Variants in LSM2 observed in about 807,000 individuals in gnomAD.
LSM2 encodes U6 snRNA-associated Sm-like protein LSm2.
Under a neutral mutation model 17.0 loss-of-function variants are expected in LSM2, and 12 were observed. That is an observed-to-expected ratio of 0.70 (90% CI 0.45 to 1.14). The LOEUF (loss-of-function observed/expected upper bound fraction) is 1.14. Among genes scored for constraint, LSM2 ranks in the 50% most tolerant of loss-of-function variants. LSM2 has a pLI of 0.00. For synonymous variants in LSM2, 42 were observed against 44.5 expected (o/e 0.94, Z 0.22); for missense variants, 62 against 111.8 (o/e 0.55, Z 2.01).
intron 2 of LSM2, among the ~76,000 whole-genome samples, chr6:31,801,950 A>C (rs1814734411): frequency 1.3e-5 from 2 of 152,132 alleles, no homozygotes; most frequent in Admixed American, 6.6e-5. Flanking sequence ...AGCCTGGGCA[A>C]CACGGCCGAG....
intron 2 of LSM2, among the ~76,000 whole-genome samples, chr6:31,804,724 T>C (rs1023771013): frequency 2.6e-5 from 4 of 151,570 alleles, no homozygotes; most frequent in Non-Finnish European, 5.9e-5. Flanking sequence ...ATTACAGGCA[T>C]GAGCCATCGT....
In LSM2 at chr6:31,798,035, T is replaced by C; in HGVS notation, c.117A>G (p.Lys39=). The stretch of plus-strand genomic sequence containing the variant: ...GGTCTGTGACACTGATGTCAGTTAG[T>C]TTGATGTTGAGATACTAGGAAAGGA... ...LHSVDQYLNI[K]LTDISVTDPE... The change falls in exon 4 of 5, where the codon AAA becomes AAG. Residue 39 remains lysine (K), a synonymous_variant. Transcript: ENST00000375661. 6.2e-7 allele frequency: 1 copy of C among 1,601,098 alleles called. No individual in the cohort carries two copies.
Position 31,798,466 on chromosome 6 carries a change from C to CTA in LSM2, c.102+9_102+10dup. 1 of 1,612,910 alleles carries CTA rather than the reference C, an allele frequency of 6.2e-7. No individual in the cohort carries two copies. The highest frequency in any genetic ancestry group is 8.5e-7 in the Non-Finnish European group (1 of 1,180,000). ...CCAGGAACCAATTCTGGGGCCCGTG[C>CTA]TATATCTCACCTGATCCACAGAATG... is the stretch of plus-strand genomic sequence containing the variant. On this transcript the variant is annotated intron_variant, in intron 3 of 4. Transcript: ENST00000375661.
At chr6:31,806,213 T>C (rs1220679172) in intron 1 of LSM2, 71 bp from the exon 2 acceptor site, 1 of 1,410,776 alleles carries the variant, frequency 7.1e-7, no homozygotes, top group Non-Finnish European at 1.0e-6. Context: ...TTTGACAGTA[T>C]TACCAAATAC....
At chr6:31,799,824 G>A (rs1362609558) in intron 2 of LSM2, among the ~76,000 whole-genome samples, 2 of 151,976 alleles carry the variant, frequency 1.3e-5, no homozygotes, top group African/African-American at 4.8e-5. Flanking sequence ...CCCAATCCTC[G>A]AGCCCCTTGA....
Position 31,797,625 on chromosome 6 carries a change from A to G in LSM2, c.*132T>C. The stretch of plus-strand genomic sequence containing the variant: ...TACTCCTCTCATCCACTCATCCCTT[A>G]AAAAAAACCCACAAAACCATCATTA... On this transcript the variant is annotated 3_prime_UTR_variant, in exon 5 of 5. Coordinates refer to ENST00000375661, the MANE Select transcript of LSM2 (RefSeq NM_021177.5). 7.5e-7 allele frequency: 1 copy of G among 1,342,024 alleles called. No homozygotes were observed. The highest frequency in any genetic ancestry group is 1.0e-6 in the Non-Finnish European group (1 of 972,862). The allele number at this position is 1,342,024 out of a possible 1,614,324, so 83.1% of individuals were successfully genotyped here. A position where few individuals can be genotyped will look rare whatever the true frequency, so the allele number is the denominator to read the frequency against.
rs776470253 is a variant in LSM2 at position 31,798,462 on chromosome 6, C to G, written c.102+15G>C. On this transcript the variant is annotated intron_variant, in intron 3 of 4. Coordinates refer to ENST00000375661, the MANE Select transcript of LSM2 (RefSeq NM_021177.5). ...TTCTCCAGGAACCAATTCTGGGGCC[C>G]GTGCTATATCTCACCTGATCCACAG... 6.2e-7 allele frequency: 1 copy of G among 1,612,838 alleles called. No homozygotes were observed. The highest frequency in any genetic ancestry group is 1.1e-5 in the South Asian group (1 of 91,064).
intron 2 of LSM2, among the ~76,000 whole-genome samples, chr6:31,799,135 G>A (rs1439556393): frequency 6.6e-6 from 1 of 152,144 alleles, no homozygotes; most frequent in African/African-American, 2.4e-5. Flanking sequence ...TTTCAAAGTA[G>A]TTATTACCTT....
rs1336491047 is a variant in LSM2 at position 31,806,357 on chromosome 6, G to C, written c.4-215C>G. On this transcript the variant is annotated intron_variant, in intron 1 of 4. Coordinates refer to ENST00000375661, the MANE Select transcript of LSM2 (RefSeq NM_021177.5). Reference sequence around the variant, plus strand: ...ACTGAGCCCATCACTTAAAGTCCCAGAGAGACTCTGCCCTGCATACGTCGG... The same window carrying C: ...ACTGAGCCCATCACTTAAAGTCCCACAGAGACTCTGCCCTGCATACGTCGG... 4.9e-6 allele frequency: 3 copies of C among 610,262 alleles called. No homozygotes were observed. The Admixed American group carries it at 8.8e-5, about 18-fold the overall frequency. The allele number at this position is 610,262 out of a possible 1,614,324, so 37.8% of individuals were successfully genotyped here.
intron 2 of LSM2, among the ~76,000 whole-genome samples, chr6:31,802,167 C>G (rs1330843622): frequency 6.6e-6 from 1 of 151,910 alleles, no homozygotes; most frequent in Non-Finnish European, 1.5e-5. Context: ...GTAATCCCAG[C>G]TACTTGGGAG....
At chr6:31,805,246 G>T (rs1397861706) in intron 2 of LSM2, among the ~76,000 whole-genome samples, 1 of 151,608 alleles carries the variant, frequency 6.6e-6, no homozygotes, top group African/African-American at 2.4e-5. Context: ...TATAGAAATA[G>T]AGGTCTCATC....
rs942314430 is a variant in LSM2, at chr6:31,806,959, G to C, written c.-202C>G. The stretch of plus-strand genomic sequence containing the variant: ...TGGGGAGCGCAAGCTGGGTAGAGTA[G>C]AGGGGAGGAGGAAGCCGGGAAAGGG... On this transcript the variant is annotated 5_prime_UTR_variant, in exon 1 of 5. Transcript: ENST00000375661. The C allele has an allele frequency of 5.0e-6, 3 of 601,776 alleles. No individual in the cohort carries two copies. The African/African-American group carries it at 6.0e-5, about 12-fold the overall frequency. 37.3% of individuals were successfully genotyped at this position (601,776 alleles called of 1,614,324 possible). A position where few individuals can be genotyped will look rare whatever the true frequency, so the allele number is the denominator to read the frequency against.
At chr6:31,804,718 C>CAGGCATG (rs1814902186) in intron 2 of LSM2, among the ~76,000 whole-genome samples, 1 of 151,296 alleles carries the variant, frequency 6.6e-6, no homozygotes, top group South Asian at 2.1e-4. Flanking sequence ...GCTGGGATTA[C>CAGGCATG]AGGCATGAGC....
rs200535726 is a variant in LSM2 at position 31,798,081 on chromosome 6, A to ATT, written c.103-34_103-33dup. 3.9e-5 allele frequency: 56 copies of ATT among 1,446,488 alleles called. 1 individual carries two copies. The highest frequency in any genetic ancestry group is 1.5e-4 in the Admixed American group (6 of 39,378). 89.6% of individuals were successfully genotyped at this position (1,446,488 alleles called of 1,614,324 possible). On this transcript the variant is annotated intron_variant, in intron 3 of 4. Coordinates refer to ENST00000375661, the MANE Select transcript of LSM2 (RefSeq NM_021177.5). ...AAGGAAGATGAACACCATTATTATT[A>ATT]TTATTTTTTTTTTTTTGAGACAAGA...
chr6:31,801,894 G>T (rs543674010), intron 2 of LSM2, among the ~76,000 whole-genome samples: 131 of 152,290 alleles, frequency 8.6e-4, no homozygotes, highest in Middle Eastern at 6.8e-3. Flanking sequence ...ACTGCACTTT[G>T]AGAGGCTGAG....
intron 2 of LSM2, among the ~76,000 whole-genome samples, chr6:31,799,893 A>G (rs372362015): frequency 1.3e-5 from 2 of 150,494 alleles, no homozygotes; most frequent in African/African-American, 4.9e-5. Flanking sequence ...TGGTGCAAAA[A>G]TTTAAAAAAA....
chr6:31,802,630 C>T (rs1159899024), intron 2 of LSM2, among the ~76,000 whole-genome samples: 1 of 146,664 alleles, frequency 6.8e-6, no homozygotes, highest in Non-Finnish European at 1.5e-5. Context: ...AATGTTACTA[C>T]GGCCGGGTGC....
Position 31,798,029 on chromosome 6 carries a change from A to G in LSM2, c.123T>C (p.Thr41=). 1 of 1,602,504 alleles carries G rather than the reference A, an allele frequency of 6.2e-7. No individual in the cohort carries two copies. ...SVDQYLNIKL[T]DISVTDPEKY... is the part of the protein sequence containing the mutation. ...TCTCAGGGTCTGTGACACTGATGTCAGTTAGTTTGATGTTGAGATACTAGG... is the reference window on the plus strand; with the variant it reads ...TCTCAGGGTCTGTGACACTGATGTCGGTTAGTTTGATGTTGAGATACTAGG... Residue 41 remains threonine (T), a synonymous_variant, in exon 4 of 5, where the codon ACT becomes ACC. Coordinates refer to ENST00000375661, the MANE Select transcript of LSM2 (RefSeq NM_021177.5).
At chr6:31,799,522 A>C (rs1814575253) in intron 2 of LSM2, among the ~76,000 whole-genome samples, 1 of 151,882 alleles carries the variant, frequency 6.6e-6, no homozygotes, top group South Asian at 2.1e-4. Flanking sequence ...ACTCCTGGCT[A>C]ATTTTTTGTA....
Sources: allele counts gnomAD v4.1 joint callset (sites outside exome capture counted in the v4.1 genomes callset), GRCh38; gene constraint gnomAD v4.1.1; transcripts MANE v1.5; gene names NCBI Gene and HGNC (gene_info 2026-07-23, HGNC 2026-07-21).